INPP5B: variants seen among roughly 807,000 people sequenced by gnomAD.
INPP5B encodes the protein type II inositol 1,4,5-trisphosphate 5-phosphatase.
Under a neutral mutation model 118.5 loss-of-function variants are expected in INPP5B, and 90 were observed. The ratio of observed to expected loss-of-function variants is 0.76; its 90% CI spans 0.64 to 0.90. The LOEUF (loss-of-function observed/expected upper bound fraction) is 0.90. INPP5B is among the 40% of genes least tolerant of loss of function. INPP5B has a pLI of 0.00. For missense variants in INPP5B, 984 were observed against 1,125.6 expected (o/e 0.87, Z 1.80); for synonymous variants, 385 against 418.9 (o/e 0.92, Z 0.99).
Position 37,880,169 on chromosome 1 carries a change from G to A in INPP5B, c.1457C>T (p.Thr486Ile), listed in dbSNP as rs747237998. Residue 486 changes from threonine to isoleucine, a missense_variant, in exon 15 of 24, where the codon ACT becomes ATT. By Grantham distance (89) the Thr-to-Ile change is moderately conservative. Around this residue, in one of 2 missense-constraint regions of INPP5B, gnomAD observed 634 missense variants for 791.0 expected, o/e 0.80. Transcript: ENST00000373024. ...ACCCTCTGTGAAGCCTTCAAAGACA[G>A]TCTTTGCGGCCACCTGAATTTTCAG... ...DQLKIQVAAK[T>I]VFEGFTEGEL... 20 of 1,606,750 alleles carry A rather than the reference G, an allele frequency of 1.2e-5. No homozygotes were observed. Among genetic ancestry groups the A allele is most frequent in the Non-Finnish European group, 1.6e-5 (19 of 1,174,782 alleles).
intron 7 of INPP5B, among the ~76,000 whole-genome samples, chr1:37,913,644 T>C (rs954402165): frequency 6.6e-6 from 1 of 152,134 alleles, no homozygotes; most frequent in Non-Finnish European, 1.5e-5. Flanking sequence ...CACTGTAGGT[T>C]CCCATGCCAC....
intron 7 of INPP5B, 152 bp downstream of exon 7, chr1:37,931,761 G>C (rs762121085): frequency 6.2e-7 from 1 of 1,602,424 alleles, no homozygotes; most frequent in Non-Finnish European, 8.5e-7. Flanking sequence ...CGTCCCGCGC[G>C]CTCCGCCCCC....
chr1:37,943,649 A>G lies in INPP5B; in HGVS notation c.271T>C (p.Tyr91His). ...LEEVSPDGEL[Y>H]ILGSDVTVQL... ...CAAGAGGACCACTCACCAAGGATGT[A>G]GAGTTCACCATCTGGGGACACTGTG... The change falls in exon 5 of 24, where the codon TAC (tyrosine) becomes CAC (histidine). Residue 91 changes from tyrosine to histidine, a missense_variant. Physicochemically the swap from Tyr to His is moderately conservative, Grantham distance 83. Around this residue, in one of 2 missense-constraint regions of INPP5B, gnomAD observed 350 missense variants for 334.6 expected, o/e 1.05. Transcript: ENST00000373024. 1 of 1,614,024 alleles carries G rather than the reference A, an allele frequency of 6.2e-7. No homozygotes were observed. The highest frequency in any genetic ancestry group is 1.3e-5 in the African/African-American group (1 of 75,010).
chr1:37,905,644 G>A (rs1644478595), intron 7 of INPP5B, among the ~76,000 whole-genome samples: 1 of 152,158 alleles, frequency 6.6e-6, no homozygotes, highest in Non-Finnish European at 1.5e-5. Context: ...CTCTTTCAAA[G>A]GTGGTTTTAA....
chr1:37,870,294 A>G (rs538301217), intron 19 of INPP5B, among the ~76,000 whole-genome samples: 54 of 152,210 alleles, frequency 3.5e-4, no homozygotes, highest in African/African-American at 1.2e-3. Flanking sequence ...ATTTTTTTGT[A>G]GAGATGGAGT....
At position 37,896,961 on chromosome 1, in the gene INPP5B, C is replaced by T. The variant is rs1644125480; in HGVS notation, c.533-5507G>A. ...TGAGGAGCCACTCTGCCCGGCCAGC[C>T]GCCCCGTCCGGGAGGGAGGTGGGGG... On this transcript the variant is annotated intron_variant, in intron 7 of 23. Transcript: ENST00000373024. 6.8e-5 allele frequency among the ~76,000 whole-genome samples: 8 copies of T among 117,822 alleles called. No individual in the cohort carries two copies. The South Asian group carries it at 1.2e-3, about 17-fold the overall frequency. The allele number at this position is 117,822 out of a possible 152,430, so 77.3% of individuals were successfully genotyped here.
At position 37,883,008 on chromosome 1, in the gene INPP5B, C is replaced by T. The variant is rs114094709; in HGVS notation, c.1320-90G>A. 4.6e-5 allele frequency: 70 copies of T among 1,533,578 alleles called. No individual in the cohort carries two copies. In the African/African-American group the frequency reaches 9.2e-4, roughly 20 times the overall value. 95.0% of individuals were successfully genotyped at this position (1,533,578 alleles called of 1,614,324 possible). On this transcript the variant is annotated intron_variant, in intron 13 of 23. Coordinates refer to ENST00000373024, the MANE Select transcript of INPP5B (RefSeq NM_005540.3). ...GCTTCTGACAAAGGCCCCTGAGGCT[C>T]AGCCTCTTGGGAGGTGGGTGGGAAA...
At position 37,888,352 on chromosome 1, in the gene INPP5B, C is replaced by G. The variant is rs1009151342; in HGVS notation, c.798-8G>C. 1 of 1,504,310 alleles carries G rather than the reference C, an allele frequency of 6.6e-7. No individual in the cohort carries two copies. The highest frequency in any genetic ancestry group is 1.3e-5 in the South Asian group (1 of 77,280). The allele number at this position is 1,504,310 out of a possible 1,614,324, so 93.2% of individuals were successfully genotyped here. ...TATGTTCCCGCAAAAAACCTGTCAC[C>G]AAAGAGAAATAATTAGTGACTCCGA... On this transcript the variant is annotated splice_region_variant and splice_polypyrimidine_tract_variant and intron_variant, in intron 9 of 23. Transcript: ENST00000373024.
Position 37,885,625 on chromosome 1 carries a change from A to C in INPP5B, c.1319+13T>G, listed in dbSNP as rs1557646331. 1 of 1,612,246 alleles carries C rather than the reference A, an allele frequency of 6.2e-7. No homozygotes were observed. Among genetic ancestry groups the C allele is most frequent in the Non-Finnish European group, 8.5e-7 (1 of 1,179,318 alleles). On this transcript the variant is annotated intron_variant, in intron 13 of 23. Transcript: ENST00000373024. ...CTCATGGTGAACCGCATGGGGTGGAAGCCCAGACTCACTCATGGTTGCTGA... is the reference window on the plus strand; with the variant it reads ...CTCATGGTGAACCGCATGGGGTGGACGCCCAGACTCACTCATGGTTGCTGA...
At chr1:37,931,381 G>A in intron 7 of INPP5B, 1 of 1,391,386 alleles carries the variant, frequency 7.2e-7, no homozygotes, top group Non-Finnish European at 9.6e-7. Context: ...GCCCAGAGAG[G>A]GGCAGCGAGT....
rs568912753 is a variant in INPP5B at position 37,927,681 on chromosome 1, C to T, written c.532+4232G>A. Among the ~76,000 whole-genome samples, 961 of 151,444 alleles carry T rather than the reference C, an allele frequency of 6.3e-3. 8 individuals carry two copies. Among genetic ancestry groups the T allele is most frequent in the Non-Finnish European group, 7.9e-3 (534 of 67,758 alleles). On this transcript the variant is annotated intron_variant, in intron 7 of 23. Transcript: ENST00000373024. ...CCTCCCGAGTAGCTGGGACTACAGG[C>T]GCCCACCACCATGCCCGGCTAATTT...
intron 19 of INPP5B, among the ~76,000 whole-genome samples, chr1:37,871,072 G>A (rs1642387784): frequency 6.7e-6 from 1 of 149,652 alleles, no homozygotes; most frequent in Non-Finnish European, 1.5e-5. Context: ...CACAAGAATC[G>A]CTTGCAACCT....
chr1:37,878,359 A>G (rs779810796), intron 15 of INPP5B, 36 bp from the exon 16 acceptor site: 1 of 1,611,532 alleles, frequency 6.2e-7, no homozygotes, highest in Admixed American at 1.7e-5. Context: ...GTACTCACAG[A>G]AACAGCAGTG....
intron 20 of INPP5B, among the ~76,000 whole-genome samples, chr1:37,866,839 G>T (rs1642077944): frequency 6.6e-6 from 1 of 152,196 alleles, no homozygotes; most frequent in South Asian, 2.1e-4. Flanking sequence ...TCCTGCAGTG[G>T]TATAGAGGGA....
chr1:37,870,452 G>T (rs542578960), intron 19 of INPP5B, among the ~76,000 whole-genome samples: 1 of 152,286 alleles, frequency 6.6e-6, no homozygotes, highest in Non-Finnish European at 1.5e-5. Flanking sequence ...AACTGAATGT[G>T]TATGTCCCCC....
rs147879101 is a variant in INPP5B at position 37,887,240 on chromosome 1, C to T, written c.1014+111G>A. The T allele has an allele frequency of 4.4e-4, 358 of 806,450 alleles. 3 individuals carry two copies. The African/African-American group carries it at 5.1e-3, about 12-fold the overall frequency. The allele number at this position is 806,450 out of a possible 1,614,324, so 50.0% of individuals were successfully genotyped here. On this transcript the variant is annotated intron_variant, in intron 11 of 23. Coordinates refer to ENST00000373024, the MANE Select transcript of INPP5B (RefSeq NM_005540.3). Reference sequence around the variant, plus strand: ...CTGGAAGATCTGGAAATGAAAATTGCGGGATAATTAAGACTGGCTTAAGAT... The same window carrying T: ...CTGGAAGATCTGGAAATGAAAATTGTGGGATAATTAAGACTGGCTTAAGAT...
intron 22 of INPP5B, 184 bp from the exon 23 acceptor site, chr1:37,864,607 G>C (rs1232731015): frequency 6.6e-6 from 3 of 458,008 alleles, no homozygotes; most frequent in Admixed American, 8.0e-5. Context: ...CATGAATTTA[G>C]AAGTCAAACT....
At chr1:37,893,176 G>T (rs533891738) in intron 7 of INPP5B, among the ~76,000 whole-genome samples, 2 of 148,196 alleles carry the variant, frequency 1.3e-5, no homozygotes, top group South Asian at 4.3e-4. Flanking sequence ...TGACCTCCAG[G>T]GCTCATGTGA....
At chr1:37,878,383 G>C in intron 15 of INPP5B, 60 bp from the exon 16 acceptor site, 1 of 1,597,306 alleles carries the variant, frequency 6.3e-7, no homozygotes, top group South Asian at 1.1e-5. Flanking sequence ...GCTGCCTGGC[G>C]AGTGCCCTGG....
Sources: allele counts gnomAD v4.1 joint callset (sites outside exome capture counted in the v4.1 genomes callset), GRCh38; gene constraint gnomAD v4.1.1; regional missense constraint gnomAD v4.1.1; transcripts MANE v1.5; gene names NCBI Gene and HGNC (gene_info 2026-07-23, HGNC 2026-07-21).